Variants in MSI2 observed in about 807,000 individuals in gnomAD.
The protein encoded by MSI2 is musashi RNA binding protein 2, also known as RNA-binding protein Musashi homolog 2.
In MSI2, 17 loss-of-function variants were observed where a neutral mutation model predicts 45.6. The observed-to-expected ratio is 0.37, with a 90% CI of 0.26 to 0.56. The LOEUF (loss-of-function observed/expected upper bound fraction) is 0.56, where lower values mean the gene tolerates loss of function less well. MSI2 is among the 20% of genes least tolerant of loss of function. The pLI, the probability that MSI2 is intolerant of heterozygous loss-of-function variation, is 0.77. For missense variants in MSI2, 293 were observed against 444.2 expected (o/e 0.66, Z 3.06); for synonymous variants, 156 against 158.2 (o/e 0.99, Z 0.11).
chr17:57,489,059 A>T (rs994546395), intron 6 of MSI2, among the ~76,000 whole-genome samples: 1 of 152,180 alleles, frequency 6.6e-6, no homozygotes, highest in African/African-American at 2.4e-5. Flanking sequence ...TTTATGTGTC[A>T]TCAGAGTCAT....
intron 7 of MSI2, among the ~76,000 whole-genome samples, chr17:57,593,491 G>C (rs981567164): frequency 1.3e-5 from 2 of 152,040 alleles, no homozygotes; most frequent in Non-Finnish European, 2.9e-5. Flanking sequence ...TCTTCACATG[G>C]CCTTCTTCTC....
intron 7 of MSI2, among the ~76,000 whole-genome samples, chr17:57,564,048 G>A (rs987479077): frequency 1.3e-5 from 2 of 152,170 alleles, no homozygotes; most frequent in African/African-American, 2.4e-5. Flanking sequence ...CCAGCCCCCT[G>A]CACGTGTTTC....
chr17:57,285,590 T>G (rs2143414578), intron 5 of MSI2, among the ~76,000 whole-genome samples: 1 of 152,296 alleles, frequency 6.6e-6, no homozygotes, highest in East Asian at 1.9e-4. Context: ...ATTAGCAGCC[T>G]TCAAATAAAG....
intron 6 of MSI2, among the ~76,000 whole-genome samples, chr17:57,479,550 G>T (rs1301963438): frequency 6.6e-6 from 1 of 152,072 alleles, no homozygotes; most frequent in Non-Finnish European, 1.5e-5. Context: ...ATTTAATTAT[G>T]GGAAATTCAA....
At chr17:57,546,073 G>A (rs146541985) in intron 7 of MSI2, among the ~76,000 whole-genome samples, 69 of 152,320 alleles carry the variant, frequency 4.5e-4, no homozygotes, top group Admixed American at 1.3e-3. Context: ...TGTGTAACTG[G>A]AGATTCCGGG....
At chr17:57,546,069 A>T (rs935548523) in intron 7 of MSI2, among the ~76,000 whole-genome samples, 1 of 152,166 alleles carries the variant, frequency 6.6e-6, no homozygotes, top group South Asian at 2.1e-4. Flanking sequence ...CCTGTGTGTA[A>T]CTGGAGATTC....
chr17:57,525,310 G>A (rs528859917), intron 6 of MSI2, among the ~76,000 whole-genome samples: 34 of 152,184 alleles, frequency 2.2e-4, no homozygotes, highest in Non-Finnish European at 2.9e-5. Context: ...TTTGAGACAG[G>A]GTCTCGCTCT....
intron 8 of MSI2, chr17:57,606,338 A>G (rs1473432145): frequency 2.6e-5 from 4 of 152,230 alleles, no homozygotes; most frequent in African/African-American, 9.6e-5. Flanking sequence ...CGAGAGCCCT[A>G]TGGGGTAGGC....
chr17:57,493,310 G>A (rs1259426316), intron 6 of MSI2, among the ~76,000 whole-genome samples: 3 of 152,050 alleles, frequency 2.0e-5, no homozygotes, highest in South Asian at 2.1e-4. Flanking sequence ...GTTACACTGG[G>A]GATTTCTGAT....
At chr17:57,669,721 G>A (rs11079319) in intron 11 of MSI2, among the ~76,000 whole-genome samples, 34,345 of 152,080 alleles carry the variant, frequency 0.23, 4,736 homozygotes, top group East Asian at 0.41. Flanking sequence ...TCAGTCCTCC[G>A]TCCTTTCGGG....
intron 6 of MSI2, among the ~76,000 whole-genome samples, chr17:57,513,685 C>T (rs1356335234): frequency 6.6e-6 from 1 of 152,252 alleles, no homozygotes; most frequent in Non-Finnish European, 1.5e-5. Flanking sequence ...TGCAGTCCCT[C>T]AGGGAGCCTC....
At chr17:57,605,295 G>A (rs1485814586) in intron 8 of MSI2, among the ~76,000 whole-genome samples, 5 of 152,214 alleles carry the variant, frequency 3.3e-5, no homozygotes, top group African/African-American at 4.8e-5. Context: ...GGGGGAGGCC[G>A]GGTGGTTCGG....
intron 10 of MSI2, among the ~76,000 whole-genome samples, chr17:57,641,051 G>T (rs1168641653): frequency 6.6e-6 from 1 of 152,168 alleles, no homozygotes; most frequent in Non-Finnish European, 1.5e-5. Flanking sequence ...AATGGCTGCT[G>T]CCCTGAGCCA....
At chr17:57,398,687 A>C (rs974411443) in intron 5 of MSI2, among the ~76,000 whole-genome samples, 6 of 152,228 alleles carry the variant, frequency 3.9e-5, no homozygotes, top group Admixed American at 3.9e-4. Context: ...CTTGGCATAC[A>C]TTACTTAATT....
intron 5 of MSI2, among the ~76,000 whole-genome samples, chr17:57,311,413 C>T (rs556604443): frequency 2.0e-5 from 3 of 152,256 alleles, no homozygotes; most frequent in Admixed American, 6.5e-5. Flanking sequence ...GTTCTACATG[C>T]GGTAAAACAC....
At chr17:57,642,759 C>G (rs766653839) in intron 10 of MSI2, among the ~76,000 whole-genome samples, 2 of 152,184 alleles carry the variant, frequency 1.3e-5, no homozygotes, top group Non-Finnish European at 2.9e-5. Flanking sequence ...TCAGTATTTA[C>G]TGGGAGGGCA....
intron 7 of MSI2, among the ~76,000 whole-genome samples, chr17:57,584,392 G>T (rs889026283): frequency 6.6e-6 from 1 of 152,150 alleles, no homozygotes; most frequent in Non-Finnish European, 1.5e-5. Flanking sequence ...GCACCCGATG[G>T]TCATCTGCCT....
chr17:57,459,972 T>C (rs1313578048), intron 6 of MSI2, among the ~76,000 whole-genome samples: 5 of 151,632 alleles, frequency 3.3e-5, no homozygotes, highest in Non-Finnish European at 7.4e-5. Context: ...CTACTAAAAA[T>C]GTAAAAATTA....
intron 7 of MSI2, among the ~76,000 whole-genome samples, chr17:57,538,498 C>G (rs111649452): frequency 6.6e-6 from 1 of 152,192 alleles, no homozygotes; most frequent in Non-Finnish European, 1.5e-5. Flanking sequence ...AGATGTTTTA[C>G]TCCCTTGTGA....
Sources: gnomAD v4.1 joint callset for allele counts (sites outside exome capture counted in the v4.1 genomes callset) on GRCh38, gnomAD v4.1.1 for gene constraint, MANE v1.5 for transcripts, NCBI Gene and HGNC (gene_info 2026-07-23, HGNC 2026-07-21) for gene names.